The following ALK variants were observed in gnomAD, a reference collection of about 807,000 sequenced individuals.
ALK encodes the protein ALK receptor tyrosine kinase.
ALK carries 74 observed loss-of-function variants against 163.1 expected under a neutral mutation model. That is an observed-to-expected ratio of 0.45 (90% CI 0.38 to 0.55). The LOEUF is 0.55. Among genes scored for constraint, ALK ranks in the 20% least tolerant of loss-of-function variants. ALK has a pLI of 0.00. For synonymous variants in ALK, 960 were observed against 843.2 expected, an observed-to-expected ratio of 1.14 and a Z score of -2.40; for missense variants, 2,063 against 2,105.3, an observed-to-expected ratio of 0.98 and a Z score of 0.39.
chr2:29,402,769 C>G (rs1327329728), intron 4 of ALK, among the ~76,000 whole-genome samples: 2 of 152,122 alleles, frequency 1.3e-5, no homozygotes, highest in Non-Finnish European at 2.9e-5. Context: ...GGCCAGTTCT[C>G]CCTGAGGTCT....
intron 3 of ALK, among the ~76,000 whole-genome samples, chr2:29,632,386 T>G (rs1676403714): frequency 6.6e-6 from 1 of 152,138 alleles, no homozygotes; most frequent in Non-Finnish European, 1.5e-5. Flanking sequence ...AAGAGGTAAT[T>G]AAGGTTACAT....
At chr2:29,510,891 T>C (rs1304873660) in intron 4 of ALK, among the ~76,000 whole-genome samples, 1 of 152,116 alleles carries the variant, frequency 6.6e-6, no homozygotes, top group Non-Finnish European at 1.5e-5. Flanking sequence ...ACCACTCATG[T>C]TCTCTAGCTG....
intron 3 of ALK, among the ~76,000 whole-genome samples, chr2:29,688,716 G>T (rs1407959051): frequency 6.6e-6 from 1 of 152,128 alleles, no homozygotes; most frequent in Non-Finnish European, 1.5e-5. Flanking sequence ...CTGTGTGTGT[G>T]ATCAGCGGTC....
rs1383710488 is a variant in ALK at position 29,420,115 on chromosome 2, C to A, written c.1155-36256G>T. On this transcript the variant is annotated intron_variant, in intron 4 of 28. Transcript: ENST00000389048. ...GAGGCTGCTGTGAGTTGGGATGGTG[C>A]CACTGCACTCCAGCCTGGGTGACAA... 3.5e-5 allele frequency among the ~76,000 whole-genome samples: 5 copies of A among 144,018 alleles called. No individual in the cohort carries two copies. The East Asian group carries it at 1.0e-3, about 30-fold the overall frequency. 94.5% of individuals were successfully genotyped at this position (144,018 alleles called of 152,430 possible). A position where few individuals can be genotyped will look rare whatever the true frequency, so the allele number is the denominator to read the frequency against.
chr2:29,859,204 G>A (rs1169781351), intron 1 of ALK, among the ~76,000 whole-genome samples: 1 of 152,208 alleles, frequency 6.6e-6, no homozygotes, highest in Non-Finnish European at 1.5e-5. Flanking sequence ...TTATGTACTG[G>A]GGATAGGAAC....
At chr2:29,530,586 A>C (rs1273816582) in intron 4 of ALK, among the ~76,000 whole-genome samples, 1 of 152,236 alleles carries the variant, frequency 6.6e-6, no homozygotes, top group Non-Finnish European at 1.5e-5. Flanking sequence ...CAGCTCTCAG[A>C]ATATGAGGCT....
chr2:29,541,546 T>C (rs4233742), intron 3 of ALK, among the ~76,000 whole-genome samples: 147,776 of 152,268 alleles, frequency 0.97, 71,888 homozygotes, highest in East Asian at 1. Flanking sequence ...CTGCCTTAGC[T>C]TCCCAAAGTG....
chr2:29,490,225 A>G (rs1671869692), intron 4 of ALK, among the ~76,000 whole-genome samples: 1 of 152,260 alleles, frequency 6.6e-6, no homozygotes, highest in African/African-American at 2.4e-5. Context: ...GGCCGCAAGC[A>G]GCCCAGCAGG....
intron 6 of ALK, among the ~76,000 whole-genome samples, chr2:29,322,700 G>C (rs1667100836): frequency 1.3e-5 from 2 of 152,242 alleles, no homozygotes; most frequent in African/African-American, 4.8e-5. Flanking sequence ...CGGGTCTGGT[G>C]GTGGGTGCCT....
chr2:29,399,887 A>G (rs112555534), intron 4 of ALK, among the ~76,000 whole-genome samples: 3,801 of 152,310 alleles, frequency 0.025, 73 homozygotes, highest in Middle Eastern at 0.041. Flanking sequence ...AGATGAGAAA[A>G]CAGGCATGGA....
intron 5 of ALK, among the ~76,000 whole-genome samples, chr2:29,359,757 G>T (rs1248323511): frequency 6.6e-6 from 1 of 152,178 alleles, no homozygotes; most frequent in African/African-American, 2.4e-5. Flanking sequence ...TCCCGGGCTG[G>T]CAGTCTTGTT....
Position 29,228,916 on chromosome 2 carries a change from C to CT in ALK, c.2782_2783insA (p.Cys928Ter). 6.5e-7 allele frequency: 1 copy of CT among 1,534,306 alleles called. No individual in the cohort carries two copies. ...RGGFGGGGGGCSSGGGGGGYI... is the reference protein window; with the variant it reads ...RGGFGGGGGG ...TCCTCCGCCTCCTCCACCTGAGGAG[C>CT]ACCCCCCTCCACCCCCTCCGAAACC... The change falls in exon 16 of 29, where the codon TGC becomes TAGC. Residue 928 changes from cysteine (C) to a stop codon, truncating the protein, a stop_gained and frameshift_variant. Coordinates refer to ENST00000389048, the MANE Select transcript of ALK (RefSeq NM_004304.5). LOFTEE classifies it high-confidence loss of function.
intron 3 of ALK, among the ~76,000 whole-genome samples, chr2:29,624,968 T>C (rs1227188405): frequency 6.6e-6 from 1 of 152,126 alleles, no homozygotes; most frequent in East Asian, 1.9e-4. Context: ...GACTGACAGC[T>C]AGGGAAAAGG....
chr2:29,853,711 A>G (rs901813994), intron 1 of ALK, among the ~76,000 whole-genome samples: 20 of 152,252 alleles, frequency 1.3e-4, no homozygotes, highest in Admixed American at 9.2e-4. Context: ...AACGTCACTC[A>G]GATGGCCCAG....
intron 3 of ALK, among the ~76,000 whole-genome samples, chr2:29,634,617 G>C (rs532342939): frequency 2.0e-5 from 3 of 152,232 alleles, no homozygotes; most frequent in African/African-American, 7.2e-5. Context: ...AGGGAGAGAG[G>C]AACTTCTTCA....
At chr2:29,747,897 CT>C (rs139919648) in intron 1 of ALK, among the ~76,000 whole-genome samples, 1,664 of 152,262 alleles carry the variant, frequency 0.011, 27 homozygotes, top group African/African-American at 0.038. Context: ...ATAAATTAAC[CT>C]CAACTCACAC....
chr2:29,704,174 C>A (rs1365316887), intron 2 of ALK, among the ~76,000 whole-genome samples: 1 of 152,202 alleles, frequency 6.6e-6, no homozygotes, highest in Non-Finnish European at 1.5e-5. Flanking sequence ...GAGATCTACA[C>A]GTAAAGCTAC....
intron 13 of ALK, among the ~76,000 whole-genome samples, chr2:29,234,485 C>T (rs1664316361): frequency 6.6e-6 from 1 of 152,074 alleles, no homozygotes; most frequent in South Asian, 2.1e-4. Flanking sequence ...CCCTTTTGGA[C>T]ATCTCATTCC....
chr2:29,608,886 A>G (rs940539020), intron 3 of ALK, among the ~76,000 whole-genome samples: 5 of 152,182 alleles, frequency 3.3e-5, no homozygotes, highest in African/African-American at 1.2e-4. Context: ...GAGGTGTCCC[A>G]GTACCTACTG....
Sources: allele counts gnomAD v4.1 joint callset (sites outside exome capture counted in the v4.1 genomes callset), GRCh38; gene constraint gnomAD v4.1.1; transcripts MANE v1.5; gene names NCBI Gene and HGNC (gene_info 2026-07-23, HGNC 2026-07-21).